SLC24A3: variants seen among roughly 807,000 people sequenced by gnomAD.
SLC24A3 encodes solute carrier family 24 member 3.
In SLC24A3, 28 loss-of-function variants were observed where a neutral mutation model predicts 75.8. The ratio of observed to expected loss-of-function variants is 0.37; its 90% CI spans 0.27 to 0.51. SLC24A3 has a LOEUF of 0.51. Ranked by LOEUF, SLC24A3 falls within the 20% of genes least tolerant of loss-of-function variation. The pLI is 0.94. For missense variants in SLC24A3, 663 were observed against 847.8 expected (o/e 0.78, Z 2.71); for synonymous variants, 372 against 334.1 (o/e 1.11, Z -1.24).
At chr20:19,320,675 C>A (rs1378413442) in intron 2 of SLC24A3, among the ~76,000 whole-genome samples, 2 of 152,080 alleles carry the variant, frequency 1.3e-5, no homozygotes, top group Non-Finnish European at 2.9e-5. Context: ...TCACAGTTGC[C>A]AAAATCCGAG....
intron 15 of SLC24A3, among the ~76,000 whole-genome samples, chr20:19,706,925 A>G (rs185931568): frequency 4.9e-4 from 75 of 152,232 alleles, no homozygotes; most frequent in Non-Finnish European, 2.2e-4. Flanking sequence ...ATTAGCGTAT[A>G]TATCTCAGTC....
chr20:19,256,680 A>C (rs1306011909), intron 1 of SLC24A3, among the ~76,000 whole-genome samples: 2 of 151,612 alleles, frequency 1.3e-5, no homozygotes, highest in African/African-American at 4.9e-5. Flanking sequence ...GAGGCATGAG[A>C]ATCACTTGAA....
At chr20:19,476,023 G>A (rs1281085351) in intron 2 of SLC24A3, among the ~76,000 whole-genome samples, 1 of 152,220 alleles carries the variant, frequency 6.6e-6, no homozygotes, top group East Asian at 1.9e-4. Flanking sequence ...AGCAAAGCAT[G>A]TGGGAAAATA....
chr20:19,683,481 A>T (rs983140900), intron 10 of SLC24A3, among the ~76,000 whole-genome samples: 3 of 152,010 alleles, frequency 2.0e-5, no homozygotes, highest in African/African-American at 7.3e-5. Flanking sequence ...TGTCCCAAGC[A>T]CTCTTCTGAC....
chr20:19,701,427 G>A (rs769471775), intron 15 of SLC24A3, among the ~76,000 whole-genome samples: 6 of 152,010 alleles, frequency 3.9e-5, no homozygotes, highest in East Asian at 3.9e-4. Context: ...GGGTGGAGAT[G>A]GGAGATTACT....
intron 2 of SLC24A3, chr20:19,284,157 G>A (rs1019758441): frequency 7.8e-5 from 12 of 153,232 alleles, no homozygotes; most frequent in African/African-American, 2.4e-4. Context: ...GAATGCTGTC[G>A]AAGCTGGCTC....
chr20:19,352,461 A>AGGT (rs757780799), intron 2 of SLC24A3, among the ~76,000 whole-genome samples: 15 of 152,118 alleles, frequency 9.9e-5, no homozygotes, highest in Non-Finnish European at 1.9e-4. Context: ...TGCTGTGAGT[A>AGGT]GGTGCAGTGT....
At chr20:19,232,732 G>A (rs1982057999) in intron 1 of SLC24A3, among the ~76,000 whole-genome samples, 1 of 152,184 alleles carries the variant, frequency 6.6e-6, no homozygotes, top group African/African-American at 2.4e-5. Context: ...CTGCCTTTAG[G>A]CTTGTTGCAT....
chr20:19,518,619 T>C, intron 3 of SLC24A3, among the ~76,000 whole-genome samples: 1 of 152,202 alleles, frequency 6.6e-6, no homozygotes, highest in East Asian at 1.9e-4. Context: ...GGTGTTGGTG[T>C]TGGAGAGTGA....
intron 10 of SLC24A3, among the ~76,000 whole-genome samples, chr20:19,683,390 A>G (rs1043180803): frequency 6.6e-6 from 1 of 152,220 alleles, no homozygotes; most frequent in African/African-American, 2.4e-5. Context: ...GTGTGCATAT[A>G]CAGCTCATTC....
chr20:19,457,298 C>A (rs184890325), intron 2 of SLC24A3, among the ~76,000 whole-genome samples: 1 of 152,064 alleles, frequency 6.6e-6, no homozygotes, highest in Non-Finnish European at 1.5e-5. Flanking sequence ...TAACCTGGGG[C>A]AAATCATGTT....
intron 8 of SLC24A3, among the ~76,000 whole-genome samples, chr20:19,668,719 C>T (rs1293509078): frequency 6.6e-6 from 1 of 152,162 alleles, no homozygotes; most frequent in Non-Finnish European, 1.5e-5. Context: ...TGGTGGTTGA[C>T]AGTTAGTCAG....
chr20:19,518,774 C>A (rs577242349), intron 3 of SLC24A3, among the ~76,000 whole-genome samples: 1 of 152,316 alleles, frequency 6.6e-6, no homozygotes, highest in Admixed American at 6.5e-5. Context: ...CAGGCTTCGC[C>A]CGAAGTGACC....
chr20:19,702,761 G>A (rs988247195), intron 15 of SLC24A3, among the ~76,000 whole-genome samples: 2 of 152,152 alleles, frequency 1.3e-5, no homozygotes, highest in Non-Finnish European at 2.9e-5. Flanking sequence ...TTTGATATAT[G>A]GTGTGAGGTA....
intron 2 of SLC24A3, among the ~76,000 whole-genome samples, chr20:19,435,873 G>A (rs1987191189): frequency 6.6e-6 from 1 of 152,098 alleles, no homozygotes; most frequent in Non-Finnish European, 1.5e-5. Flanking sequence ...TGCCCAAACT[G>A]GTTCCAAGAA....
intron 3 of SLC24A3, among the ~76,000 whole-genome samples, chr20:19,565,727 A>AAATG (rs1254931204): frequency 1.9e-4 from 29 of 152,148 alleles, no homozygotes; most frequent in African/African-American, 7.0e-4. Context: ...TGGCACCTTT[A>AAATG]AATGAATGAA....
intron 16 of SLC24A3, among the ~76,000 whole-genome samples, chr20:19,718,028 G>A (rs899761318): frequency 4.6e-5 from 7 of 152,150 alleles, no homozygotes; most frequent in Non-Finnish European, 8.8e-5. Context: ...GCCCACTTGC[G>A]TACTTTAATA....
chr20:19,505,359 T>G (rs1809858772), intron 2 of SLC24A3, among the ~76,000 whole-genome samples: 1 of 152,134 alleles, frequency 6.6e-6, no homozygotes, highest in African/African-American at 2.4e-5. Flanking sequence ...TTGCCATGAT[T>G]TAGGGGAAAA....
rs2033107276 is a variant in SLC24A3 at position 19,721,809 on chromosome 20, G to A, written c.*669G>A. On this transcript the variant is annotated 3_prime_UTR_variant, in exon 17 of 17. Transcript: ENST00000328041. ...TGCATGGATGTAGTGCTTTTTAGAGGAGCCACTGGGCAAGGCCACCAAGAA... is the reference window on the plus strand; with the variant it reads ...TGCATGGATGTAGTGCTTTTTAGAGAAGCCACTGGGCAAGGCCACCAAGAA... 1 of 152,584 alleles carries A rather than the reference G, an allele frequency of 6.6e-6. No homozygotes were observed. Among genetic ancestry groups the A allele is most frequent in the South Asian group, 2.1e-4 (1 of 4,810 alleles). 9.5% of individuals were successfully genotyped at this position (152,584 alleles called of 1,614,324 possible).
Sources: allele counts gnomAD v4.1 joint callset (sites outside exome capture counted in the v4.1 genomes callset), GRCh38; gene constraint gnomAD v4.1.1; transcripts MANE v1.5; gene names NCBI Gene and HGNC (gene_info 2026-07-23, HGNC 2026-07-21).